Variants in FMNL2 observed in about 807,000 individuals in gnomAD.
The protein encoded by FMNL2 is formin like 2.
In FMNL2, 51 loss-of-function variants were observed where a neutral mutation model predicts 130.2. The observed-to-expected ratio is 0.39, with a 90% CI of 0.31 to 0.49. FMNL2 has a LOEUF of 0.49. Ranked by LOEUF, FMNL2 falls within the 20% of genes least tolerant of loss-of-function variation. The pLI is 0.85. For synonymous variants in FMNL2, 465 were observed against 467.1 expected (o/e 1.00, Z 0.06); for missense variants, 977 against 1,316.2 (o/e 0.74, Z 3.99).
chr2:152,403,627 A>T (rs1392918939), intron 1 of FMNL2, among the ~76,000 whole-genome samples: 1 of 151,974 alleles, frequency 6.6e-6, no homozygotes, highest in South Asian at 2.1e-4. Flanking sequence ...GTGCCTTTGT[A>T]ATGCTTTCTG....
intron 15 of FMNL2, among the ~76,000 whole-genome samples, chr2:152,624,994 T>C (rs138519567): frequency 6.6e-6 from 1 of 152,222 alleles, no homozygotes; most frequent in African/African-American, 2.4e-5. Flanking sequence ...CCTGATCATC[T>C]TCTAAGGTTT....
At chr2:152,389,959 G>T in intron 1 of FMNL2, 1 of 1,318,950 alleles carries the variant, frequency 7.6e-7, no homozygotes, top group Non-Finnish European at 1.1e-6. Context: ...AGAGACCTCG[G>T]GGCCCCAGAT....
chr2:152,562,660 G>A (rs1438698207), intron 6 of FMNL2, among the ~76,000 whole-genome samples: 1 of 152,196 alleles, frequency 6.6e-6, no homozygotes, highest in Non-Finnish European at 1.5e-5. Context: ...TATATTTGCA[G>A]TAGGCCAAAG....
chr2:152,649,402 T>C lies in FMNL2; in HGVS notation c.*1497T>C, dbSNP rs977516700. Reference sequence around the variant, plus strand: ...GTTTTTTTTAATATATATATTTAACTATAAGGACAGTTTAGGGAACAAGTT... The same window carrying C: ...GTTTTTTTTAATATATATATTTAACCATAAGGACAGTTTAGGGAACAAGTT... On this transcript the variant is annotated 3_prime_UTR_variant, in exon 26 of 26. Coordinates refer to ENST00000288670, the MANE Select transcript of FMNL2 (RefSeq NM_052905.4). The C allele has an allele frequency of 6.6e-6, 1 of 152,502 alleles. No individual in the cohort carries two copies. The highest frequency in any genetic ancestry group is 2.4e-5 in the African/African-American group (1 of 41,436). 9.4% of individuals were successfully genotyped at this position (152,502 alleles called of 1,614,324 possible).
intron 1 of FMNL2, among the ~76,000 whole-genome samples, chr2:152,363,828 G>T (rs1683330297): frequency 6.6e-6 from 1 of 152,166 alleles, no homozygotes; most frequent in African/African-American, 2.4e-5. Context: ...TCCCAAAGTT[G>T]CTGGGATTAC....
At chr2:152,340,563 A>G (rs930760224) in intron 1 of FMNL2, among the ~76,000 whole-genome samples, 2 of 152,262 alleles carry the variant, frequency 1.3e-5, no homozygotes, top group African/African-American at 4.8e-5. Context: ...TTTTCAAGGC[A>G]GATTTGAAAT....
chr2:152,377,933 A>T (rs1166856872), intron 1 of FMNL2, among the ~76,000 whole-genome samples: 1 of 151,824 alleles, frequency 6.6e-6, no homozygotes, highest in Non-Finnish European at 1.5e-5. Flanking sequence ...GAAGTTCAAG[A>T]CCACCCTGCC....
chr2:152,404,708 G>T (rs968216690), intron 1 of FMNL2, among the ~76,000 whole-genome samples: 4 of 152,170 alleles, frequency 2.6e-5, no homozygotes, highest in Admixed American at 6.5e-5. Context: ...AGGCAGAACG[G>T]ATCCTTATTT....
chr2:152,481,949 C>G (rs1302934057), intron 1 of FMNL2, among the ~76,000 whole-genome samples: 1 of 152,188 alleles, frequency 6.6e-6, no homozygotes, highest in East Asian at 1.9e-4. Context: ...TTAAATCACA[C>G]TGCCTCAGTC....
chr2:152,412,446 TTATATATATATATATATA>T (rs56681937), intron 1 of FMNL2, among the ~76,000 whole-genome samples: 3,155 of 102,894 alleles, frequency 0.031, 77 homozygotes, highest in Non-Finnish European at 0.041. Flanking sequence ...TCTGTATATT[TTATATATATATATATATA>T]TATATATATA....
chr2:152,360,084 A>G (rs1159924191), intron 1 of FMNL2, among the ~76,000 whole-genome samples: 1 of 152,216 alleles, frequency 6.6e-6, no homozygotes, highest in Non-Finnish European at 1.5e-5. Flanking sequence ...GAAATGGAAT[A>G]TCACTATTAG....
chr2:152,518,252 T>C (rs1443549815), intron 1 of FMNL2, among the ~76,000 whole-genome samples: 2 of 152,216 alleles, frequency 1.3e-5, no homozygotes, highest in African/African-American at 2.4e-5. Flanking sequence ...TGCTTCCTCA[T>C]GGTCCTTATG....
chr2:152,470,750 T>C (rs1345612490), intron 1 of FMNL2, among the ~76,000 whole-genome samples: 3 of 152,182 alleles, frequency 2.0e-5, no homozygotes, highest in Non-Finnish European at 4.4e-5. Flanking sequence ...GAGATTGTCA[T>C]GGTGATATGC....
chr2:152,584,520 G>T (rs149455348), intron 9 of FMNL2, among the ~76,000 whole-genome samples: 10 of 152,206 alleles, frequency 6.6e-5, no homozygotes, highest in Non-Finnish European at 1.5e-4. Context: ...ATGCTTTAGA[G>T]TAGCCAGATC....
At position 152,648,780 on chromosome 2, in the gene FMNL2, T is replaced by G. The variant is rs1683831993; in HGVS notation, c.*875T>G. 1 of 152,592 alleles carries G rather than the reference T, an allele frequency of 6.6e-6. No individual in the cohort carries two copies. The highest frequency in any genetic ancestry group is 2.1e-4 in the South Asian group (1 of 4,824). The allele number at this position is 152,592 out of a possible 1,614,324, so 9.5% of individuals were successfully genotyped here. ...AGTAGTGTTAGGAACCTGGCCTTAC[T>G]CTCCTCTGACAATCGCAATTTTTTC... On this transcript the variant is annotated 3_prime_UTR_variant, in exon 26 of 26. Transcript: ENST00000288670.
chr2:152,579,353 T>G (rs767511262), intron 8 of FMNL2, among the ~76,000 whole-genome samples: 1 of 152,224 alleles, frequency 6.6e-6, no homozygotes, highest in Non-Finnish European at 1.5e-5. Context: ...CGTCTACACT[T>G]CGCTTGATAA....
At chr2:152,608,359 T>TA (rs1698490881) in intron 10 of FMNL2, among the ~76,000 whole-genome samples, 1 of 47,586 alleles carries the variant, frequency 2.1e-5, no homozygotes, top group Non-Finnish European at 3.8e-5. Flanking sequence ...ACCCTTTTTG[T>TA]GAAAAAAAAA....
chr2:152,504,182 C>T (rs1692017107), intron 1 of FMNL2, among the ~76,000 whole-genome samples: 1 of 152,140 alleles, frequency 6.6e-6, no homozygotes, highest in African/African-American at 2.4e-5. Context: ...CAGAGCGAGA[C>T]TCTGGCTCAA....
intron 1 of FMNL2, among the ~76,000 whole-genome samples, chr2:152,470,938 G>C (rs10180542): frequency 0.12 from 18,004 of 152,132 alleles, 1,280 homozygotes; most frequent in East Asian, 0.27. Context: ...TTTAATAAAG[G>C]CTATTAATTT....
Sources: allele counts gnomAD v4.1 joint callset (sites outside exome capture counted in the v4.1 genomes callset), GRCh38; gene constraint gnomAD v4.1.1; transcripts MANE v1.5; gene names NCBI Gene and HGNC (gene_info 2026-07-23, HGNC 2026-07-21).